The following CHRM2 variants were observed in gnomAD, a reference collection of about 807,000 sequenced individuals.
CHRM2 encodes cholinergic receptor muscarinic 2, also known as muscarinic acetylcholine receptor M2.
A neutral mutation model predicts 25.0 loss-of-function variants in CHRM2; 8 were observed. The observed-to-expected ratio is 0.32, with a 90% CI of 0.19 to 0.58. CHRM2 has a LOEUF of 0.58. CHRM2 is among the 20% of genes least tolerant of loss of function. The pLI, the probability that CHRM2 is intolerant of heterozygous loss-of-function variation, is 0.88. For synonymous variants in CHRM2, 202 were observed against 205.7 expected (o/e 0.98, Z 0.15); for missense variants, 440 against 567.1 (o/e 0.78, Z 2.28).
chr7:136,982,753 G>C (rs903507240), intron 2 of CHRM2, among the ~76,000 whole-genome samples: 2 of 152,028 alleles, frequency 1.3e-5, no homozygotes, highest in African/African-American at 4.8e-5. Context: ...TTTCTTTAAG[G>C]ATATTGAATA....
At chr7:136,991,882 T>C (rs911700439) in intron 2 of CHRM2, among the ~76,000 whole-genome samples, 7 of 152,194 alleles carry the variant, frequency 4.6e-5, no homozygotes, top group African/African-American at 1.7e-4. Context: ...ATTATCACAC[T>C]TATTTTAAGC....
chr7:136,930,905 A>C (rs1182931616), intron 2 of CHRM2, among the ~76,000 whole-genome samples: 1 of 99,338 alleles, frequency 1.0e-5, no homozygotes, highest in Non-Finnish European at 1.9e-5. Context: ...TCTCAAAAAA[A>C]AAAAAAAAAA....
At chr7:136,957,864 C>T (rs535842403) in intron 2 of CHRM2, among the ~76,000 whole-genome samples, 17 of 152,200 alleles carry the variant, frequency 1.1e-4, no homozygotes, top group East Asian at 5.8e-4. Flanking sequence ...TTAGTCAAAA[C>T]GTTTTATCAA....
At chr7:136,984,488 G>GA (rs1053071164) in intron 2 of CHRM2, among the ~76,000 whole-genome samples, 317 of 149,290 alleles carry the variant, frequency 2.1e-3, no homozygotes, top group African/African-American at 7.5e-3. Context: ...ACCGGGGTAA[G>GA]AAAAAAAAAA....
At chr7:136,892,990 G>C (rs926302821) in intron 2 of CHRM2, among the ~76,000 whole-genome samples, 1 of 152,132 alleles carries the variant, frequency 6.6e-6, no homozygotes, top group Non-Finnish European at 1.5e-5. Flanking sequence ...GATTAAGAGT[G>C]CATGTCTCTT....
chr7:137,009,680 C>A (rs1804677940), intron 3 of CHRM2, among the ~76,000 whole-genome samples: 1 of 151,930 alleles, frequency 6.6e-6, no homozygotes, highest in Non-Finnish European at 1.5e-5. Context: ...GTTGGGTGCC[C>A]TTGGTTTGAA....
At chr7:137,012,352 G>A (rs1584923564) in intron 3 of CHRM2, among the ~76,000 whole-genome samples, 1 of 152,088 alleles carries the variant, frequency 6.6e-6, no homozygotes, top group South Asian at 2.1e-4. Context: ...ACAATTGTAT[G>A]ATTAATTGCA....
At chr7:136,992,099 C>CT (rs1281279603) in intron 2 of CHRM2, 88 bp from the exon 3 acceptor site, 9 of 152,202 alleles carry the variant, frequency 5.9e-5, no homozygotes, top group African/African-American at 1.4e-4. Context: ...AGGATCTGTC[C>CT]TTGTAAAGAC....
At chr7:136,983,293 A>G (rs1179272951) in intron 2 of CHRM2, among the ~76,000 whole-genome samples, 3 of 152,112 alleles carry the variant, frequency 2.0e-5, no homozygotes, top group African/African-American at 7.2e-5. Flanking sequence ...CATCTCCATC[A>G]GATCATTTAT....
intron 2 of CHRM2, among the ~76,000 whole-genome samples, chr7:136,967,868 G>T (rs1231297519): frequency 6.6e-6 from 1 of 151,204 alleles, no homozygotes; most frequent in Admixed American, 6.6e-5. Flanking sequence ...ATATATTTCT[G>T]TCTTTTTAGA....
intron 2 of CHRM2, among the ~76,000 whole-genome samples, chr7:136,933,390 A>G (rs1799224418): frequency 6.6e-6 from 1 of 152,348 alleles, no homozygotes; most frequent in African/African-American, 2.4e-5. Context: ...CTGAGATATT[A>G]TTTCATACAC....
chr7:137,015,305 C>T lies in CHRM2; in HGVS notation c.440C>T (p.Ala147Val). The change falls in exon 4 of 4, where the codon GCC becomes GTC. Residue 147 changes from alanine (A) to valine (V), a missense_variant. Physicochemically the swap from Ala to Val is moderately conservative, Grantham distance 64 (BLOSUM62 0). Around this residue, in one of 5 missense-constraint regions of CHRM2, gnomAD observed 27 missense variants for 55.5 expected, o/e 0.49. Coordinates refer to ENST00000680005, the MANE Select transcript of CHRM2 (RefSeq NM_001006630.2). The surrounding 1 kb of genome is among the most constrained non-coding windows in gnomAD (Gnocchi z 5.1). The stretch of plus-strand genomic sequence containing the variant: ...ATGGCAGGTATGATGATTGCAGCTG[C>T]CTGGGTCCTCTCTTTCATCCTCTGG... ...TKMAGMMIAA[A>V]WVLSFILWAP... 1 of 1,613,290 alleles carries T rather than the reference C, an allele frequency of 6.2e-7. No individual in the cohort carries two copies. The highest frequency in any genetic ancestry group is 8.5e-7 in the Non-Finnish European group (1 of 1,179,628).
chr7:137,008,991 A>C (rs1372268427), intron 3 of CHRM2, among the ~76,000 whole-genome samples: 1 of 152,116 alleles, frequency 6.6e-6, no homozygotes, highest in Non-Finnish European at 1.5e-5. Flanking sequence ...TATCATTATC[A>C]TCTGTACAAC....
intron 2 of CHRM2, among the ~76,000 whole-genome samples, chr7:136,971,621 A>T (rs1423971355): frequency 7.0e-6 from 1 of 142,912 alleles, no homozygotes; most frequent in African/African-American, 2.5e-5. Flanking sequence ...TGTTTCACAA[A>T]AAAAAAAAAA....
intron 2 of CHRM2, among the ~76,000 whole-genome samples, chr7:136,934,356 A>T (rs898828565): frequency 2.0e-5 from 3 of 152,020 alleles, no homozygotes; most frequent in Non-Finnish European, 4.4e-5. Flanking sequence ...GTCCACAGAG[A>T]TACTTCATGT....
At position 136,875,898 on chromosome 7, in the gene CHRM2, C is replaced by T. The variant is rs540135426; in HGVS notation, c.-125+6480C>T. ...TTATTTCCCCTTTATTCTCCTCCTC[C>T]TCTTCCTCCTCTTCGTGGAATTTAT... On this transcript the variant is annotated intron_variant, in intron 2 of 3. Coordinates refer to ENST00000680005, the MANE Select transcript of CHRM2 (RefSeq NM_001006630.2). Among the ~76,000 whole-genome samples, 4 of 152,204 alleles carry T rather than the reference C, an allele frequency of 2.6e-5. No homozygotes were observed. In the East Asian group the frequency reaches 7.7e-4, roughly 29 times the overall value.
At chr7:137,011,531 C>G (rs111706490) in intron 3 of CHRM2, among the ~76,000 whole-genome samples, 2,381 of 152,078 alleles carry the variant, frequency 0.016, 74 homozygotes, top group African/African-American at 0.056. Flanking sequence ...ATTGTTCTCA[C>G]TGGGCTCTGG....
chr7:136,975,789 C>T (rs980538975), intron 2 of CHRM2, among the ~76,000 whole-genome samples: 2 of 152,148 alleles, frequency 1.3e-5, no homozygotes, highest in Non-Finnish European at 2.9e-5. Flanking sequence ...CATTATAAAA[C>T]AGCCAACTGA....
intron 2 of CHRM2, among the ~76,000 whole-genome samples, chr7:136,983,432 G>A (rs1485890623): frequency 6.6e-6 from 1 of 152,102 alleles, no homozygotes; most frequent in Admixed American, 6.5e-5. Context: ...GTCTACTTCT[G>A]TCTATTCATC....
Sources: gnomAD v4.1 joint callset for allele counts (sites outside exome capture counted in the v4.1 genomes callset) on GRCh38, gnomAD v4.1.1 for gene constraint, gnomAD v4.1.1 regional missense constraint, Gnocchi (gnomAD v3.1) non-coding constraint, MANE v1.5 for transcripts, NCBI Gene and HGNC (gene_info 2026-07-23, HGNC 2026-07-21) for gene names.